LRRC66: variants seen among roughly 807,000 people sequenced by gnomAD.
LRRC66 encodes the protein leucine-rich repeat-containing protein 66.
LRRC66 carries 29 observed loss-of-function variants against 24.6 expected under a neutral mutation model. The observed-to-expected ratio is 1.18, with a 90% CI of 0.88 to 1.61. The LOEUF is 1.61. Ranked by LOEUF, LRRC66 falls within the 40% of genes most tolerant of loss-of-function variation. The pLI is 0.00. For synonymous variants in LRRC66, 411 were observed against 397.6 expected (o/e 1.03, Z -0.40); for missense variants, 1,124 against 1,058.0 (o/e 1.06, Z -0.87).
rs373045432 is a variant in LRRC66 at position 52,008,349 on chromosome 4, TTATAAG to T, written c.497-4963_497-4958del. Among the ~76,000 whole-genome samples the T allele has an allele frequency of 6.0e-3, 914 of 152,284 alleles. 5 individuals carry two copies. Among genetic ancestry groups the T allele is most frequent in the African/African-American group, 0.02 (838 of 41,562 alleles). ...CACAACAAAGTAAATTCCAGTTGGA[TTATAAG>T]TATAATATGCCTGAAAAATCTTCTC... is the stretch of plus-strand genomic sequence containing the variant. On this transcript the variant is annotated intron_variant, in intron 2 of 4. Transcript: ENST00000682860.
chr4:51,995,156 C>T lies in LRRC66; in HGVS notation c.1866G>A (p.Lys622=). The change falls in exon 5 of 5, where the codon AAG becomes AAA. Residue 622 remains lysine (K), a synonymous_variant. Transcript: ENST00000682860. ...CAATGGATGAACTCACTTGCCTTTCCTTAGAAAATTCCATCTGCGAGTCCC... is the reference window on the plus strand; with the variant it reads ...CAATGGATGAACTCACTTGCCTTTCTTTAGAAAATTCCATCTGCGAGTCCC... The part of the protein sequence containing the change: ...SLWDSQMEFS[K]ERQVSSSIDL... The T allele has an allele frequency of 6.2e-7, 1 of 1,614,236 alleles. No homozygotes were observed. The highest frequency in any genetic ancestry group is 8.5e-7 in the Non-Finnish European group (1 of 1,180,046).
rs1317443580 is a variant in LRRC66, at chr4:51,995,754, T to A, written c.1268A>T (p.Glu423Val). Residue 423 changes from glutamate to valine, a missense_variant, in exon 5 of 5, where the codon GAG becomes GTG. By Grantham distance (121) the Glu-to-Val change is moderately radical. Transcript: ENST00000682860. ...SPGLDNAYSN[E>V]GFYDDMEAAG... Reference sequence around the variant, plus strand: ...AGCTTCCATGTCATCGTAGAAGCCCTCGTTTGAATACGCGTTGTCCAGGCC... The same window carrying A: ...AGCTTCCATGTCATCGTAGAAGCCCACGTTTGAATACGCGTTGTCCAGGCC... 2 of 1,614,102 alleles carry A rather than the reference T, an allele frequency of 1.2e-6. No homozygotes were observed. Among genetic ancestry groups the A allele is most frequent in the Admixed American group, 3.3e-5 (2 of 60,014 alleles).
chr4:52,010,258 A>C (rs1286026519), intron 2 of LRRC66, among the ~76,000 whole-genome samples: 1 of 152,232 alleles, frequency 6.6e-6, no homozygotes, highest in African/African-American at 2.4e-5. Flanking sequence ...AATTCTACAC[A>C]GCAATGAAAA....
intron 1 of LRRC66, chr4:52,017,946 C>A: frequency 1.0e-6 from 1 of 985,436 alleles, no homozygotes; most frequent in Middle Eastern, 5.2e-4. Flanking sequence ...TGAAACCTTA[C>A]CAAGATTAAA....
Position 51,995,048 on chromosome 4 carries a change from GT to G in LRRC66, c.1973del (p.Tyr658SerfsTer56). On this transcript the variant is annotated frameshift_variant, in exon 5 of 5. Transcript: ENST00000682860. LOFTEE classifies it low-confidence loss of function (END_TRUNC). ...ALSAHYSEVP[Y>X]GDPRDTGPSV... ...ATGGGCCTGTGTCTCTTGGGTCACC[GT>G]ATGGAACCTCGCTGTAGTGGGCTGA... 1 of 1,614,112 alleles carries G rather than the reference GT, an allele frequency of 6.2e-7. No individual in the cohort carries two copies. The highest frequency in any genetic ancestry group is 8.5e-7 in the Non-Finnish European group (1 of 1,180,038).
chr4:52,017,581 T>C lies in LRRC66; in HGVS notation c.33A>G (p.Ile11Met). 6.3e-7 allele frequency: 1 copy of C among 1,596,188 alleles called. No homozygotes were observed. Among genetic ancestry groups the C allele is most frequent in the Non-Finnish European group, 8.5e-7 (1 of 1,174,728 alleles). The change falls in exon 2 of 5, where the codon ATA becomes ATG. Residue 11 changes from isoleucine (I) to methionine (M), a missense_variant. By Grantham distance (10) the Ile-to-Met change is conservative. Transcript: ENST00000682860. ...TTCCAGTAAAATAAAGACCTATAAC[T>C]ATGGTAATGACTCTGAAATAGAGGT... MKNLYFRVIT[I>M]VIGLYFTGIM... is the part of the protein sequence containing the mutation.
chr4:52,014,488 A>G (rs540400946), intron 2 of LRRC66, among the ~76,000 whole-genome samples: 44 of 152,218 alleles, frequency 2.9e-4, no homozygotes, highest in Non-Finnish European at 5.4e-4. Flanking sequence ...TATCCTTACA[A>G]TGATCCAATG....
In LRRC66 at chr4:51,996,212, A is replaced by G. The variant is rs1296590021; in HGVS notation, c.857-47T>C. The G allele has an allele frequency of 2.7e-6, 4 of 1,477,224 alleles. No homozygotes were observed. The African/African-American group carries it at 5.7e-5, about 21-fold the overall frequency. The allele number at this position is 1,477,224 out of a possible 1,614,324, so 91.5% of individuals were successfully genotyped here. The stretch of plus-strand genomic sequence containing the variant: ...TACACATTGAGCGAACATTGAAATA[A>G]GATTTCAGGGGTTTTTCTCTTTTTT... On this transcript the variant is annotated intron_variant, in intron 4 of 4. Coordinates refer to ENST00000682860, the MANE Select transcript of LRRC66 (RefSeq NM_001024611.3).
In LRRC66 at chr4:52,017,332, G is replaced by C; in HGVS notation, c.282C>G (p.Asn94Lys). ...EWKIKHLDLS[N>K]NLISKITLSP... is the part of the protein sequence containing the mutation. Reference sequence around the variant, plus strand: ...TTAAGGTTATTTTTGATATGAGATTGTTACTGAGGTCCAGATGTTTTATTT... The same window carrying C: ...TTAAGGTTATTTTTGATATGAGATTCTTACTGAGGTCCAGATGTTTTATTT... Residue 94 changes from asparagine to lysine, a missense_variant, in exon 2 of 5, where the codon AAC (asparagine) becomes AAG (lysine). By Grantham distance (94) the Asn-to-Lys change is moderately conservative. Transcript: ENST00000682860. The C allele has an allele frequency of 6.2e-7, 1 of 1,614,108 alleles. No homozygotes were observed.
intron 2 of LRRC66, among the ~76,000 whole-genome samples, chr4:52,015,077 T>A (rs1264726078): frequency 6.6e-6 from 1 of 152,194 alleles, no homozygotes; most frequent in Non-Finnish European, 1.5e-5. Context: ...TCATCTGCCT[T>A]AAGGAGAGAA....
At chr4:51,997,694 ATG>A in intron 4 of LRRC66, 52 bp downstream of exon 4, 3 of 1,480,222 alleles carry the variant, frequency 2.0e-6, no homozygotes, top group Non-Finnish European at 2.8e-6. Context: ...TAAAATGTCT[ATG>A]TGCATTTTTC....
chr4:51,998,069 G>C, intron 3 of LRRC66, 132 bp from the exon 4 acceptor site: 1 of 736,028 alleles, frequency 1.4e-6, no homozygotes, highest in South Asian at 2.1e-5. Flanking sequence ...TTACAAGTCA[G>C]GGAATTAGTG....
At chr4:52,002,915 G>C (rs1736489367) in intron 3 of LRRC66, among the ~76,000 whole-genome samples, 1 of 152,178 alleles carries the variant, frequency 6.6e-6, no homozygotes, top group East Asian at 1.9e-4. Flanking sequence ...TAATAACTAA[G>C]ATTTAATTCC....
chr4:51,994,259 C>T lies in LRRC66; in HGVS notation c.*120G>A. 5 of 960,098 alleles carry T rather than the reference C, an allele frequency of 5.2e-6. No individual in the cohort carries two copies. Among genetic ancestry groups the T allele is most frequent in the Non-Finnish European group, 6.0e-6 (4 of 662,928 alleles). 59.5% of individuals were successfully genotyped at this position (960,098 alleles called of 1,614,324 possible). A position where few individuals can be genotyped will look rare whatever the true frequency, so the allele number is the denominator to read the frequency against. On this transcript the variant is annotated 3_prime_UTR_variant, in exon 5 of 5. Transcript: ENST00000682860. The stretch of plus-strand genomic sequence containing the variant: ...AAACCCTCATTTGCATCAGTGTCCA[C>T]TTGGTTGGAATTCATGTTGTCTCCT...
In LRRC66 at chr4:51,995,517, T is replaced by A. The variant is rs1289132634; in HGVS notation, c.1505A>T (p.Asp502Val). ...CTGGAGAATGGAATAGACTGCACCA[T>A]CATTTCCACTTCCTGCCCCGGTGTT... ...GDNTGAGSGNDGAVYSILQRH... is the reference protein window; with the variant it reads ...GDNTGAGSGNVGAVYSILQRH... The change falls in exon 5 of 5, where the codon GAT becomes GTT. Residue 502 changes from aspartate (D) to valine (V), a missense_variant. Asp to Val is a radical substitution (Grantham distance 152). Transcript: ENST00000682860. The A allele has an allele frequency of 2.5e-6, 4 of 1,614,150 alleles. No homozygotes were observed. The highest frequency in any genetic ancestry group is 3.4e-6 in the Non-Finnish European group (4 of 1,180,028).
At chr4:52,015,593 G>A (rs17083554) in intron 2 of LRRC66, among the ~76,000 whole-genome samples, 2,117 of 152,234 alleles carry the variant, frequency 0.014, 22 homozygotes, top group Non-Finnish European at 0.02. Context: ...GCTCAGAATC[G>A]GAAATTATGT....
Position 52,019,953 on chromosome 4 carries a change from T to TA in LRRC66, c.-6+350dup, listed in dbSNP as rs566359115. ...CTTAAAGTGAAAGGTATTAATTTGTTAAAAAAATCATACTATTTATAAATT... is the reference window on the plus strand; with the variant it reads ...CTTAAAGTGAAAGGTATTAATTTGTTAAAAAAAATCATACTATTTATAAATT... On this transcript the variant is annotated intron_variant, in intron 1 of 4. Transcript: ENST00000682860. 1.1e-3 allele frequency among the ~76,000 whole-genome samples: 170 copies of TA among 152,220 alleles called. 3 individuals carry two copies. The highest frequency in any genetic ancestry group is 3.5e-3 in the African/African-American group (145 of 41,544).
In LRRC66 at chr4:52,003,271, C is replaced by T. The variant is rs765596889; in HGVS notation, c.618G>A (p.Lys206=). ...QLENLCLKSN[K]IFKIPPQAFK... The stretch of plus-strand genomic sequence containing the variant: ...AGGCTTGTGGGGGAATTTTGAATAT[C>T]TTGTTGCTCTTTAAACAGAGATTCT... The change falls in exon 3 of 5, where the codon AAG becomes AAA. Residue 206 remains lysine, a synonymous_variant. Coordinates refer to ENST00000682860, the MANE Select transcript of LRRC66 (RefSeq NM_001024611.3). 29 of 1,613,602 alleles carry T rather than the reference C, an allele frequency of 1.8e-5. No homozygotes were observed. The highest frequency in any genetic ancestry group is 2.3e-5 in the Non-Finnish European group (27 of 1,179,902).
chr4:52,013,805 C>A (rs1398303731), intron 2 of LRRC66, among the ~76,000 whole-genome samples: 1 of 152,158 alleles, frequency 6.6e-6, no homozygotes, highest in Non-Finnish European at 1.5e-5. Flanking sequence ...ATATGTGGTA[C>A]ATAGTTACAA....
Sources: gnomAD v4.1 joint callset for allele counts (sites outside exome capture counted in the v4.1 genomes callset) on GRCh38, gnomAD v4.1.1 for gene constraint, MANE v1.5 for transcripts, NCBI Gene and HGNC (gene_info 2026-07-23, HGNC 2026-07-21) for gene names.